Variants in ACTL8 observed in about 807,000 individuals in gnomAD.
ACTL8 encodes the protein actin like 8.
ACTL8 carries 3 observed loss-of-function variants against 9.3 expected under a neutral mutation model. The ratio of observed to expected loss-of-function variants is 0.32; its 90% CI spans 0.15 to 0.83. ACTL8 has a LOEUF of 0.83. Among genes scored for constraint, ACTL8 ranks in the 40% least tolerant of loss-of-function variants. ACTL8 has a pLI of 0.57. For missense variants in ACTL8, 381 were observed against 492.2 expected, an observed-to-expected ratio of 0.77 and a Z score of 2.14; for synonymous variants, 224 against 205.9, an observed-to-expected ratio of 1.09 and a Z score of -0.75.
chr1:17,804,676 C>T (rs1272380815), intron 1 of ACTL8, among the ~76,000 whole-genome samples: 6 of 151,554 alleles, frequency 4.0e-5, no homozygotes, highest in South Asian at 2.1e-4. Context: ...GGTGCCATCT[C>T]GGCTCACTGC....
At chr1:17,774,994 TGAG>T (rs918698922) in intron 1 of ACTL8, among the ~76,000 whole-genome samples, 6 of 152,068 alleles carry the variant, frequency 3.9e-5, no homozygotes, top group Admixed American at 3.9e-4. Flanking sequence ...GGAATCTAGG[TGAG>T]GAGAGAGAGG....
At chr1:17,825,258 T>C (rs933657065) in intron 2 of ACTL8, among the ~76,000 whole-genome samples, 5 of 151,928 alleles carry the variant, frequency 3.3e-5, no homozygotes, top group African/African-American at 1.2e-4. Flanking sequence ...CTTTTTTTCT[T>C]TTTTCTTTTC....
At chr1:17,793,277 G>C (rs758757640) in intron 1 of ACTL8, among the ~76,000 whole-genome samples, 2 of 152,224 alleles carry the variant, frequency 1.3e-5, no homozygotes, top group Admixed American at 6.5e-5. Flanking sequence ...AGGGTCTGGA[G>C]TGGCCATCTG....
chr1:17,775,369 AG>A (rs201624494), intron 1 of ACTL8, among the ~76,000 whole-genome samples: 41,962 of 151,894 alleles, frequency 0.28, 6,385 homozygotes, highest in Admixed American at 0.37. Flanking sequence ...CTGGAGGAGG[AG>A]GAGGAGGGTT....
At chr1:17,796,689 C>T (rs576551743) in intron 1 of ACTL8, among the ~76,000 whole-genome samples, 19 of 152,340 alleles carry the variant, frequency 1.2e-4, no homozygotes, top group South Asian at 4.1e-4. Context: ...TGGCTCATAC[C>T]GGATTCAAAC....
intron 1 of ACTL8, among the ~76,000 whole-genome samples, chr1:17,787,252 A>C (rs1279730697): frequency 1.3e-5 from 2 of 151,846 alleles, no homozygotes; most frequent in African/African-American, 4.8e-5. Flanking sequence ...CTCCCACCTC[A>C]ATAGCTGTAG....
At chr1:17,821,300 A>G (rs1252277214) in intron 1 of ACTL8, among the ~76,000 whole-genome samples, 2 of 152,152 alleles carry the variant, frequency 1.3e-5, no homozygotes. Context: ...CAGTTTATCA[A>G]TTTGTTCTTT....
At chr1:17,777,239 G>T (rs2066124595) in intron 1 of ACTL8, among the ~76,000 whole-genome samples, 1 of 151,984 alleles carries the variant, frequency 6.6e-6, no homozygotes, top group South Asian at 2.1e-4. Flanking sequence ...AAAGTCCAAG[G>T]TCCCACATCC....
intron 1 of ACTL8, among the ~76,000 whole-genome samples, chr1:17,770,433 GTC>G (rs1183116953): frequency 3.3e-5 from 5 of 152,150 alleles, no homozygotes; most frequent in South Asian, 2.1e-4. Flanking sequence ...AAGATTTATT[GTC>G]TCTCATAAAT....
At chr1:17,760,676 C>T (rs926343805) in intron 1 of ACTL8, among the ~76,000 whole-genome samples, 4 of 152,206 alleles carry the variant, frequency 2.6e-5, no homozygotes, top group Middle Eastern at 3.4e-3. Context: ...CTGCCCGTTG[C>T]TGTGCAGTGC....
chr1:17,780,500 C>T (rs961840959), intron 1 of ACTL8, among the ~76,000 whole-genome samples: 3 of 152,114 alleles, frequency 2.0e-5, no homozygotes, highest in South Asian at 2.1e-4. Context: ...ATCTCTGGGG[C>T]TCTTGTGAAA....
rs529136613 is a variant in ACTL8 at position 17,805,624 on chromosome 1, C to T, written c.-24-17361C>T. 2.4e-4 allele frequency among the ~76,000 whole-genome samples: 36 copies of T among 152,084 alleles called. 1 individual carries two copies. Among genetic ancestry groups the T allele is most frequent in the Middle Eastern group, 6.8e-3 (2 of 294 alleles). On this transcript the variant is annotated intron_variant, in intron 1 of 2. Transcript: ENST00000375406. ...TCAAACTCCTGACCTTGTGATCCAC[C>T]GCCTCAGCCTCCCAAAGTGCTGGGA...
At chr1:17,791,500 C>T (rs1416212878) in intron 1 of ACTL8, among the ~76,000 whole-genome samples, 5 of 152,362 alleles carry the variant, frequency 3.3e-5, no homozygotes, top group East Asian at 3.9e-4. Context: ...TTGCCACCAC[C>T]CCAGCAGCAA....
At chr1:17,814,306 G>A (rs971057952) in intron 1 of ACTL8, among the ~76,000 whole-genome samples, 6 of 152,238 alleles carry the variant, frequency 3.9e-5, no homozygotes, top group East Asian at 1.9e-4. Flanking sequence ...AAACCAGCCC[G>A]GACAACAGAG....
chr1:17,823,965 G>A lies in ACTL8; in HGVS notation c.348+609G>A, dbSNP rs1315490827. On this transcript the variant is annotated intron_variant, in intron 2 of 2. Transcript: ENST00000375406. The surrounding 1 kb of genome is among the most constrained non-coding windows in gnomAD (Gnocchi z 5.3). ...TACAGGCCATGTTCTGGCCCTCAGA[G>A]AGCTTCCATGAAGGGGTTAAGAAAT... Among the ~76,000 whole-genome samples the A allele has an allele frequency of 2.0e-5, 3 of 152,216 alleles. No homozygotes were observed. The highest frequency in any genetic ancestry group is 4.4e-5 in the Non-Finnish European group (3 of 68,048).
chr1:17,774,964 A>G (rs1372149305), intron 1 of ACTL8, among the ~76,000 whole-genome samples: 1 of 152,084 alleles, frequency 6.6e-6, no homozygotes, highest in Non-Finnish European at 1.5e-5. Flanking sequence ...CCTGATTCCT[A>G]GACAGGAGGC....
At chr1:17,778,387 G>A (rs188427265) in intron 1 of ACTL8, among the ~76,000 whole-genome samples, 1 of 151,704 alleles carries the variant, frequency 6.6e-6, no homozygotes, top group East Asian at 1.9e-4. Flanking sequence ...GGTATGAAGG[G>A]GCCCAAGCTA....
intron 1 of ACTL8, among the ~76,000 whole-genome samples, chr1:17,798,713 G>A (rs981294283): frequency 6.6e-6 from 1 of 152,208 alleles, no homozygotes; most frequent in African/African-American, 2.4e-5. Flanking sequence ...ACAAGTTCAT[G>A]TCATTCTACC....
intron 1 of ACTL8, among the ~76,000 whole-genome samples, chr1:17,761,964 C>T (rs189588623): frequency 3.3e-5 from 5 of 152,096 alleles, no homozygotes; most frequent in East Asian, 1.9e-4. Flanking sequence ...GGGAAGGTCT[C>T]GGGGGTCCAT....
Sources: allele counts gnomAD v4.1 joint callset (sites outside exome capture counted in the v4.1 genomes callset), GRCh38; gene constraint gnomAD v4.1.1; non-coding constraint Gnocchi (gnomAD v3.1); transcripts MANE v1.5; gene names NCBI Gene and HGNC (gene_info 2026-07-23, HGNC 2026-07-21).